The following SAMD4B variants were observed in gnomAD, a reference collection of about 807,000 sequenced individuals.
The protein encoded by SAMD4B is sterile alpha motif domain containing 4B.
SAMD4B carries 5 observed loss-of-function variants against 74.5 expected under a neutral mutation model. That is an observed-to-expected ratio of 0.07 (90% confidence interval 0.04 to 0.14). The LOEUF (loss-of-function observed/expected upper bound fraction) is 0.14, where lower values mean the gene tolerates loss of function less well. Among genes scored for constraint, SAMD4B ranks in the 10% least tolerant of loss-of-function variants. SAMD4B has a pLI of 1.00. For synonymous variants in SAMD4B, 373 were observed against 374.9 expected (o/e 1.00, Z 0.06); for missense variants, 608 against 921.8 (o/e 0.66, Z 4.41).
chr19:39,386,269 T>A, downstream of SAMD4B: 2 of 1,614,202 alleles, frequency 1.2e-6, no homozygotes, highest in African/African-American at 1.3e-5. This position sits in a 1 kb window ranked among gnomAD's most constrained non-coding sequence, Gnocchi z 6.1. Context: ...TCATCCTCGC[T>A]GCTCTCGTCC....
At position 39,383,198 on chromosome 19, in the gene SAMD4B, T is replaced by C; in HGVS notation, c.1973-10T>C. The C allele has an allele frequency of 6.2e-7, 1 of 1,613,642 alleles. No individual in the cohort carries two copies. Among genetic ancestry groups the C allele is most frequent in the Non-Finnish European group, 8.5e-7 (1 of 1,179,606 alleles). ...TCCTTACCACCCCCATTCTCCTCTC[T>C]CCCACCCAGACTGCCCGGTTCCTGG... On this transcript the variant is annotated splice_polypyrimidine_tract_variant and intron_variant, in intron 12 of 13. Transcript: ENST00000610417. This position sits in a 1 kb window ranked among gnomAD's most constrained non-coding sequence, Gnocchi z 4.1.
chr19:39,389,233 G>A, downstream of SAMD4B: 1 of 1,607,612 alleles, frequency 6.2e-7, no homozygotes, highest in Non-Finnish European at 8.5e-7. The surrounding 1 kb of genome is among the most constrained non-coding windows in gnomAD (Gnocchi z 5.3). Context: ...AGGGGCCACT[G>A]GACACACCTA....
At chr19:39,377,073 CTTT>C (rs1360634667) in intron 7 of SAMD4B, among the ~76,000 whole-genome samples, 1 of 152,206 alleles carries the variant, frequency 6.6e-6, no homozygotes, top group Non-Finnish European at 1.5e-5. Context: ...TCTTACTGGT[CTTT>C]CTGGTAGAGC....
chr19:39,352,539 C>T (rs1432575489), intron 1 of SAMD4B: 5 of 151,380 alleles, frequency 3.3e-5, no homozygotes, highest in Admixed American at 6.6e-5. Context: ...GACCCACATT[C>T]CTTCATGGTA....
At chr19:39,374,580 G>A (rs762532398) in intron 4 of SAMD4B, among the ~76,000 whole-genome samples, 1 of 152,160 alleles carries the variant, frequency 6.6e-6, no homozygotes, top group Non-Finnish European at 1.5e-5. Flanking sequence ...AGTGGCTCAC[G>A]CCTGTAATCC....
chr19:39,367,782 T>C (rs1334079749), intron 3 of SAMD4B, among the ~76,000 whole-genome samples: 1 of 149,372 alleles, frequency 6.7e-6, no homozygotes, highest in African/African-American at 2.4e-5. Flanking sequence ...GTGCTGGGAT[T>C]ACAGGCGTGA....
Position 39,383,824 on chromosome 19 carries a change from C to T in SAMD4B, c.*297C>T. The T allele has an allele frequency of 9.4e-7, 1 of 1,060,178 alleles. No homozygotes were observed. Among genetic ancestry groups the T allele is most frequent in the Non-Finnish European group, 1.4e-6 (1 of 734,460 alleles). 65.7% of individuals were successfully genotyped at this position (1,060,178 alleles called of 1,614,324 possible). On this transcript the variant is annotated 3_prime_UTR_variant, in exon 14 of 14. Transcript: ENST00000610417. This position sits in a 1 kb window ranked among gnomAD's most constrained non-coding sequence, Gnocchi z 4.1. ...TTCCTTCCTCATCCCCACCTGGTCC[C>T]ATCCCACCCCTGCCTCCTCCAGACC...
At chr19:39,357,846 A>G (rs1276368570) in intron 3 of SAMD4B, among the ~76,000 whole-genome samples, 2 of 152,234 alleles carry the variant, frequency 1.3e-5, no homozygotes, top group East Asian at 1.9e-4. Context: ...TGGGAAGGGC[A>G]TCAAGGGGCT....
chr19:39,368,028 T>C (rs2077072699), intron 3 of SAMD4B, among the ~76,000 whole-genome samples: 1 of 151,270 alleles, frequency 6.6e-6, no homozygotes, highest in African/African-American at 2.4e-5. Flanking sequence ...TCTTGGCTAA[T>C]GCGGTGAAAC....
intron 1 of SAMD4B, among the ~76,000 whole-genome samples, chr19:39,353,487 T>G (rs2076168100): frequency 6.6e-6 from 1 of 152,150 alleles, no homozygotes; most frequent in Non-Finnish European, 1.5e-5. Context: ...GGGTTTTGTA[T>G]GTGGCTTTTT....
downstream of SAMD4B, chr19:39,389,757 C>A: frequency 6.2e-7 from 1 of 1,614,074 alleles, no homozygotes; most frequent in Non-Finnish European, 8.5e-7. This position sits in a 1 kb window ranked among gnomAD's most constrained non-coding sequence, Gnocchi z 5.3. Flanking sequence ...TTGTACTGGA[C>A]GAACCTGGGT....
chr19:39,366,141 C>T (rs1223487864), intron 3 of SAMD4B, among the ~76,000 whole-genome samples: 1 of 152,150 alleles, frequency 6.6e-6, no homozygotes. Context: ...CATGGTTAAA[C>T]GCCCCCTCCA....
At chr19:39,382,078 C>G (rs2078027606) in intron 12 of SAMD4B, among the ~76,000 whole-genome samples, 1 of 151,296 alleles carries the variant, frequency 6.6e-6, no homozygotes, top group Non-Finnish European at 1.5e-5. Flanking sequence ...CTGGAATGGG[C>G]TGACTCTAGA....
rs141556423 is a variant in SAMD4B, at chr19:39,343,982, A to ACC, written c.-267+1417_-267+1418dup. ...CCCCTCTGATATGCAGGTTTTCAGG[A>ACC]CCCCCCCCCCCCACACACACACACA... On this transcript the variant is annotated intron_variant, in intron 1 of 13. Transcript: ENST00000610417. 9.7e-3 allele frequency among the ~76,000 whole-genome samples: 510 copies of ACC among 52,784 alleles called. 23 individuals are homozygous for ACC. Among genetic ancestry groups the ACC allele is most frequent in the Admixed American group, 0.022 (97 of 4,432 alleles). 34.6% of individuals were successfully genotyped at this position (52,784 alleles called of 152,430 possible). A position where few individuals can be genotyped will look rare whatever the true frequency, so the allele number is the denominator to read the frequency against.
At chr19:39,387,348 T>G, downstream of SAMD4B, 1 of 215,124 alleles carries the variant, frequency 4.6e-6, no homozygotes, top group East Asian at 1.1e-4. Flanking sequence ...GACTGAAACA[T>G]GCAGTGCATT....
chr19:39,360,786 T>C lies in SAMD4B; in HGVS notation c.196+3697T>C, dbSNP rs76136008. 4.5e-3 allele frequency among the ~76,000 whole-genome samples: 688 copies of C among 152,294 alleles called. 8 individuals are homozygous for C. Among genetic ancestry groups the C allele is most frequent in the African/African-American group, 0.016 (671 of 41,558 alleles). On this transcript the variant is annotated intron_variant, in intron 3 of 13. Transcript: ENST00000610417. ...TCCCATTCCCTGGTGTTTCTCAAAC[T>C]TGCATCATCATCAGAATCACTGGGG...
intron 3 of SAMD4B, among the ~76,000 whole-genome samples, chr19:39,363,766 C>T (rs1348763416): frequency 6.6e-6 from 1 of 152,210 alleles, no homozygotes; most frequent in African/African-American, 2.4e-5. Context: ...TGAACTTGTG[C>T]TCTTACTTAG....
intron 4 of SAMD4B, among the ~76,000 whole-genome samples, chr19:39,370,589 T>C (rs1299607281): frequency 6.6e-6 from 1 of 152,194 alleles, no homozygotes; most frequent in Non-Finnish European, 1.5e-5. Context: ...ACCTGGCCTC[T>C]AAGGGCATCA....
chr19:39,360,638 C>T (rs2076592228), intron 3 of SAMD4B, among the ~76,000 whole-genome samples: 1 of 152,168 alleles, frequency 6.6e-6, no homozygotes, highest in Non-Finnish European at 1.5e-5. Context: ...TGTTTCACTC[C>T]TACCCTCAAG....
Sources: allele counts gnomAD v4.1 joint callset (sites outside exome capture counted in the v4.1 genomes callset), GRCh38; gene constraint gnomAD v4.1.1; non-coding constraint Gnocchi (gnomAD v3.1); transcripts MANE v1.5; gene names NCBI Gene and HGNC (gene_info 2026-07-23, HGNC 2026-07-21).